The following SH3RF3 variants were observed in gnomAD, a reference collection of about 807,000 sequenced individuals.
SH3RF3 encodes SH3 domain containing ring finger 3.
Under a neutral mutation model 66.3 loss-of-function variants are expected in SH3RF3, and 29 were observed. That is an observed-to-expected ratio of 0.44 (90% CI 0.33 to 0.60). The LOEUF (loss-of-function observed/expected upper bound fraction) is 0.60. Among genes scored for constraint, SH3RF3 ranks in the 20% least tolerant of loss-of-function variants. SH3RF3 has a pLI of 0.04. For synonymous variants in SH3RF3, 583 were observed against 532.0 expected, an observed-to-expected ratio of 1.10 and a Z score of -1.32; for missense variants, 1,194 against 1,190.9, an observed-to-expected ratio of 1.00 and a Z score of -0.04.
intron 1 of SH3RF3, among the ~76,000 whole-genome samples, chr2:109,213,313 T>C (rs1408105500): frequency 5.9e-5 from 9 of 152,316 alleles, no homozygotes; most frequent in Middle Eastern, 3.4e-3. Flanking sequence ...AGCATAAGGC[T>C]ATGTGTACGC....
intron 4 of SH3RF3, among the ~76,000 whole-genome samples, chr2:109,414,214 A>C (rs1032765167): frequency 6.6e-6 from 1 of 152,158 alleles, no homozygotes; most frequent in Non-Finnish European, 1.5e-5. Flanking sequence ...TGGCTTCAGG[A>C]CAACGATCAC....
At chr2:109,408,852 G>A (rs142606594) in intron 4 of SH3RF3, among the ~76,000 whole-genome samples, 12 of 152,320 alleles carry the variant, frequency 7.9e-5, no homozygotes, top group Middle Eastern at 3.4e-3. Context: ...TGATGGGTGC[G>A]CACAGGGAGG....
chr2:109,319,701 G>A (rs1211730911), intron 1 of SH3RF3, among the ~76,000 whole-genome samples: 1 of 152,196 alleles, frequency 6.6e-6, no homozygotes, highest in African/African-American at 2.4e-5. Flanking sequence ...AGAGTGCCGT[G>A]CCGGAGCCAA....
At chr2:109,399,449 T>TTTTTACTAG (rs1676244913) in intron 4 of SH3RF3, among the ~76,000 whole-genome samples, 1 of 38,946 alleles carries the variant, frequency 2.6e-5, no homozygotes, top group South Asian at 1.0e-3. Flanking sequence ...TTTCCACTAG[T>TTTTTACTAG]TTTTTTTTTT....
chr2:109,444,330 T>C (rs1363651469), intron 7 of SH3RF3, among the ~76,000 whole-genome samples: 3 of 152,212 alleles, frequency 2.0e-5, no homozygotes, highest in Non-Finnish European at 4.4e-5. Context: ...AAAAGTCAAC[T>C]CTGTGGGTCT....
intron 7 of SH3RF3, among the ~76,000 whole-genome samples, chr2:109,442,025 C>T (rs6542829): frequency 0.47 from 71,422 of 151,980 alleles, 18,263 homozygotes; most frequent in Non-Finnish European, 0.55. Context: ...TAAATCCACA[C>T]TATTGGCCAG....
intron 8 of SH3RF3, among the ~76,000 whole-genome samples, chr2:109,454,294 T>C (rs150795187): frequency 2.8e-4 from 42 of 152,330 alleles, no homozygotes; most frequent in Admixed American, 4.6e-4. Context: ...CCCCTTCCCT[T>C]CAGAAAGCGC....
chr2:109,130,411 C>A (rs1406372664), intron 1 of SH3RF3, among the ~76,000 whole-genome samples: 2 of 152,230 alleles, frequency 1.3e-5, no homozygotes, highest in African/African-American at 4.8e-5. Context: ...CTTAGCATCG[C>A]CCTTGCGTCT....
chr2:109,270,629 G>C (rs1005003429), intron 1 of SH3RF3, among the ~76,000 whole-genome samples: 2 of 152,212 alleles, frequency 1.3e-5, no homozygotes, highest in African/African-American at 2.4e-5. Context: ...ATGACCCAGA[G>C]ATACTGGGTG....
Position 109,265,279 on chromosome 2 carries a change from C to T in SH3RF3, c.574-82395C>T, listed in dbSNP as rs565254068. Among the ~76,000 whole-genome samples the T allele has an allele frequency of 3.9e-5, 6 of 152,218 alleles. No homozygotes were observed. The South Asian group carries it at 8.3e-4, about 21-fold the overall frequency. On this transcript the variant is annotated intron_variant, in intron 1 of 9. Coordinates refer to ENST00000309415, the MANE Select transcript of SH3RF3 (RefSeq NM_001099289.3). The stretch of plus-strand genomic sequence containing the variant: ...GGCCAGGGGAGCTCTGAGGGCAGCT[C>T]GTGGGCTGTGTTCGCCAACTGCTGG...
At chr2:109,486,376 G>A (rs1678977529) in intron 8 of SH3RF3, among the ~76,000 whole-genome samples, 1 of 152,110 alleles carries the variant, frequency 6.6e-6, no homozygotes, top group Non-Finnish European at 1.5e-5. Context: ...CAGTGGTTCG[G>A]GTGCTCTCCC....
At position 109,334,814 on chromosome 2, in the gene SH3RF3, T is replaced by C. The variant is rs2115898; in HGVS notation, c.574-12860T>C. ...TCTCTCTCCTTCTCCAACTAGAATG[T>C]TATGTGCCACTTGCTCCCCTCAGTA... On this transcript the variant is annotated intron_variant, in intron 1 of 9. Coordinates refer to ENST00000309415, the MANE Select transcript of SH3RF3 (RefSeq NM_001099289.3). Among the ~76,000 whole-genome samples, 8 of 152,330 alleles carry C rather than the reference T, an allele frequency of 5.3e-5. No homozygotes were observed. In the East Asian group the frequency reaches 1.2e-3, roughly 22 times the overall value.
intron 1 of SH3RF3, among the ~76,000 whole-genome samples, chr2:109,172,277 G>A (rs562676478): frequency 2.6e-5 from 4 of 152,210 alleles, no homozygotes; most frequent in African/African-American, 4.8e-5. Flanking sequence ...CAACAGCTGC[G>A]TGTGGCCTGT....
chr2:109,496,844 C>T (rs1241349389), intron 9 of SH3RF3, among the ~76,000 whole-genome samples: 1 of 152,192 alleles, frequency 6.6e-6, no homozygotes, highest in African/African-American at 2.4e-5. Flanking sequence ...AAAGAGATTA[C>T]CCGGGATTAT....
rs115966529 is a variant in SH3RF3 at position 109,291,621 on chromosome 2, A to C, written c.574-56053A>C. 9.1e-3 allele frequency among the ~76,000 whole-genome samples: 1,391 copies of C among 152,186 alleles called. 23 individuals are homozygous for C. The highest frequency in any genetic ancestry group is 0.032 in the African/African-American group (1,321 of 41,516). On this transcript the variant is annotated intron_variant, in intron 1 of 9. Transcript: ENST00000309415. ...GCCCAGGCAGCTCCTCGTGGTGGGGAAATGTGTGGAGGAATTTTGGAAGAC... is the reference window on the plus strand; with the variant it reads ...GCCCAGGCAGCTCCTCGTGGTGGGGCAATGTGTGGAGGAATTTTGGAAGAC...
chr2:109,426,286 C>G (rs1677026782), intron 5 of SH3RF3, among the ~76,000 whole-genome samples: 1 of 152,154 alleles, frequency 6.6e-6, no homozygotes, highest in Admixed American at 6.5e-5. Context: ...AATTGAAAAC[C>G]TTTTGGAAAG....
intron 1 of SH3RF3, among the ~76,000 whole-genome samples, chr2:109,281,679 T>G (rs1680897114): frequency 1.3e-5 from 2 of 152,086 alleles, no homozygotes; most frequent in Non-Finnish European, 2.9e-5. Context: ...TCCCCACAGT[T>G]CTTAGATTCA....
chr2:109,244,721 G>T (rs1679870684), intron 1 of SH3RF3, among the ~76,000 whole-genome samples: 1 of 152,228 alleles, frequency 6.6e-6, no homozygotes, highest in African/African-American at 2.4e-5. Flanking sequence ...AGCCTCTAGA[G>T]ACAGGAGTCA....
chr2:109,468,579 T>C (rs1678420329), intron 8 of SH3RF3, among the ~76,000 whole-genome samples: 1 of 151,984 alleles, frequency 6.6e-6, no homozygotes, highest in African/African-American at 2.4e-5. Flanking sequence ...TTAGGCCCGG[T>C]GTGGTAGCTC....
Sources: allele counts gnomAD v4.1 joint callset (sites outside exome capture counted in the v4.1 genomes callset), GRCh38; gene constraint gnomAD v4.1.1; transcripts MANE v1.5; gene names NCBI Gene and HGNC (gene_info 2026-07-23, HGNC 2026-07-21).